Variants in NRG1 observed in about 807,000 individuals in gnomAD.
NRG1 encodes the protein pro-neuregulin-1, membrane-bound isoform.
Under a neutral mutation model 63.8 loss-of-function variants are expected in NRG1, and 18 were observed. The ratio of observed to expected loss-of-function variants is 0.28; its 90% CI spans 0.19 to 0.42. NRG1 has a LOEUF of 0.42. NRG1 is among the 10% of genes least tolerant of loss of function. The pLI is 1.00. For missense variants in NRG1, 762 were observed against 814.7 expected, an observed-to-expected ratio of 0.94 and a Z score of 0.79; for synonymous variants, 302 against 301.3, an observed-to-expected ratio of 1.00 and a Z score of -0.02.
At chr8:31,713,362 G>A (rs544407616) in intron 1 of NRG1, among the ~76,000 whole-genome samples, 7 of 151,396 alleles carry the variant, frequency 4.6e-5, no homozygotes, top group South Asian at 2.1e-4. Flanking sequence ...GTGATCCGCC[G>A]GCCTCGGCCT....
At chr8:32,077,347 CA>C (rs1826740318) in intron 1 of NRG1, among the ~76,000 whole-genome samples, 1 of 152,074 alleles carries the variant, frequency 6.6e-6, no homozygotes, top group South Asian at 2.1e-4. Flanking sequence ...GCCTGGGCGA[CA>C]AGAGCAAAAC....
intron 1 of NRG1, among the ~76,000 whole-genome samples, chr8:32,309,313 A>ACC (rs919815394): frequency 6.6e-6 from 1 of 151,142 alleles, no homozygotes; most frequent in East Asian, 1.9e-4. Context: ...GTGGTTTTAC[A>ACC]CCCCCCCACC....
intron 1 of NRG1, among the ~76,000 whole-genome samples, chr8:32,219,283 A>T (rs1845568711): frequency 6.6e-6 from 1 of 152,192 alleles, no homozygotes; most frequent in South Asian, 2.1e-4. Context: ...TGGCACCTAA[A>T]ACAGCTCTTT....
chr8:32,660,825 A>T (rs931661097), intron 5 of NRG1, among the ~76,000 whole-genome samples: 22 of 152,320 alleles, frequency 1.4e-4, no homozygotes, highest in African/African-American at 4.8e-4. Context: ...AGCGCTATAT[A>T]AGCATGAGCT....
chr8:32,203,187 GCT>G (rs1843668310), intron 1 of NRG1, among the ~76,000 whole-genome samples: 1 of 108,226 alleles, frequency 9.2e-6, no homozygotes, highest in Non-Finnish European at 1.8e-5. Context: ...AAGCAAGCCA[GCT>G]TTTTTTTTTT....
At chr8:31,955,051 C>T (rs1479757268) in intron 1 of NRG1, among the ~76,000 whole-genome samples, 2 of 151,904 alleles carry the variant, frequency 1.3e-5, no homozygotes, top group Non-Finnish European at 2.9e-5. Context: ...AGTGAGATGT[C>T]ACTGCAAAAT....
intron 1 of NRG1, among the ~76,000 whole-genome samples, chr8:32,198,389 G>A (rs188800169): frequency 6.6e-6 from 1 of 152,188 alleles, no homozygotes; most frequent in African/African-American, 2.4e-5. Context: ...TGTTGGTCAG[G>A]CTGGTCTCGA....
At chr8:31,686,893 GA>G (rs1223061863) in intron 1 of NRG1, among the ~76,000 whole-genome samples, 1 of 149,902 alleles carries the variant, frequency 6.7e-6, no homozygotes, top group Admixed American at 6.6e-5. Flanking sequence ...TCAGCCTTCT[GA>G]GTAGCTGGGA....
chr8:32,099,790 T>C (rs771218472), intron 1 of NRG1: 1 of 152,174 alleles, frequency 6.6e-6, no homozygotes, highest in Non-Finnish European at 1.5e-5. Context: ...AGCGGGAAGA[T>C]TGTGGTTAAA....
intron 1 of NRG1, among the ~76,000 whole-genome samples, chr8:32,351,516 A>G (rs1013776416): frequency 6.6e-6 from 1 of 152,280 alleles, no homozygotes; most frequent in Admixed American, 6.5e-5. Context: ...TACTGCCTCA[A>G]TTTCCTTAAA....
chr8:31,654,968 T>A (rs1230569632), intron 1 of NRG1, among the ~76,000 whole-genome samples: 1 of 152,150 alleles, frequency 6.6e-6, no homozygotes, highest in African/African-American at 2.4e-5. Context: ...AAGAATTCCC[T>A]GTATTTTTTC....
intron 1 of NRG1, among the ~76,000 whole-genome samples, chr8:32,400,373 C>T (rs1337184916): frequency 6.6e-6 from 1 of 152,154 alleles, no homozygotes; most frequent in African/African-American, 2.4e-5. Flanking sequence ...GTCTGAGCTA[C>T]TTGGGAGGCT....
chr8:32,098,354 C>T (rs1420624151), intron 1 of NRG1, among the ~76,000 whole-genome samples: 1 of 152,150 alleles, frequency 6.6e-6, no homozygotes, highest in African/African-American at 2.4e-5. Context: ...GTGCCTGGCA[C>T]GCAAGTTTTG....
chr8:31,883,403 A>G (rs915690556), intron 1 of NRG1, among the ~76,000 whole-genome samples: 1 of 152,120 alleles, frequency 6.6e-6, no homozygotes, highest in Non-Finnish European at 1.5e-5. Flanking sequence ...TATGATGTTC[A>G]CTTTATTATT....
At position 32,695,141 on chromosome 8, in the gene NRG1, G is replaced by GC. The variant is rs1160069584; in HGVS notation, c.503-32805dup. 2.6e-5 allele frequency among the ~76,000 whole-genome samples: 4 copies of GC among 152,200 alleles called. No homozygotes were observed. In the South Asian group the frequency reaches 8.3e-4, roughly 32 times the overall value. On this transcript the variant is annotated intron_variant, in intron 5 of 11. Coordinates refer to ENST00000356819, the Ensembl canonical transcript of NRG1. ...GAGGTCGAGGAATGAGATTGCTTGA[G>GC]CCCAGGAGTTTGAGATCATCCTAGG...
intron 1 of NRG1, among the ~76,000 whole-genome samples, chr8:32,064,792 CT>C (rs1454254746): frequency 6.6e-6 from 1 of 151,970 alleles, no homozygotes; most frequent in Non-Finnish European, 1.5e-5. Context: ...AGTATAAGAA[CT>C]GCTAGTGAAA....
At chr8:32,463,282 G>C (rs558641361) in intron 1 of NRG1, among the ~76,000 whole-genome samples, 1 of 152,204 alleles carries the variant, frequency 6.6e-6, no homozygotes, top group East Asian at 1.9e-4. Context: ...ATGTCCATGA[G>C]GTGTTTATTT....
intron 1 of NRG1, among the ~76,000 whole-genome samples, chr8:32,294,506 A>G (rs559385523): frequency 2.6e-5 from 4 of 152,322 alleles, no homozygotes; most frequent in African/African-American, 9.6e-5. Context: ...TTAAACGTCT[A>G]GATTCCAGCC....
intron 5 of NRG1, among the ~76,000 whole-genome samples, chr8:32,695,627 C>G (rs955830571): frequency 6.6e-6 from 1 of 152,138 alleles, no homozygotes; most frequent in African/African-American, 2.4e-5. Context: ...TTGTTTGACA[C>G]GCAGTGTGAA....
Sources: allele counts gnomAD v4.1 joint callset (sites outside exome capture counted in the v4.1 genomes callset), GRCh38; gene constraint gnomAD v4.1.1; transcripts MANE v1.5; gene names NCBI Gene and HGNC (gene_info 2026-07-23, HGNC 2026-07-21).